Variants in DLG2 observed in about 807,000 individuals in gnomAD.
DLG2 encodes discs large MAGUK scaffold protein 2, also known as disks large homolog 2.
In DLG2, 45 loss-of-function variants were observed where a neutral mutation model predicts 132.5. The ratio of observed to expected loss-of-function variants is 0.34; its 90% confidence interval spans 0.27 to 0.44. DLG2 has a LOEUF of 0.44. Ranked by LOEUF, DLG2 falls within the 20% of genes least tolerant of loss-of-function variation. DLG2 has a pLI of 1.00. For synonymous variants in DLG2, 424 were observed against 419.6 expected (o/e 1.01, Z -0.13); for missense variants, 1,045 against 1,196.9 (o/e 0.87, Z 1.87).
At chr11:84,493,800 T>C (rs1464804008) in intron 7 of DLG2, among the ~76,000 whole-genome samples, 1 of 152,078 alleles carries the variant, frequency 6.6e-6, no homozygotes, top group Admixed American at 6.6e-5. Flanking sequence ...TGGCATATAA[T>C]AGGCACTCAA....
intron 5 of DLG2, among the ~76,000 whole-genome samples, chr11:85,139,222 G>A (rs538749253): frequency 9.2e-5 from 14 of 152,054 alleles, no homozygotes; most frequent in Non-Finnish European, 1.5e-4. Flanking sequence ...TTACCAGTGA[G>A]AGCAGGAACC....
intron 5 of DLG2, among the ~76,000 whole-genome samples, chr11:85,123,346 A>C (rs1407382836): frequency 2.1e-4 from 32 of 152,056 alleles, no homozygotes. Context: ...GAAAGATAGG[A>C]AAGGTAGGAA....
intron 21 of DLG2, among the ~76,000 whole-genome samples, chr11:83,507,694 A>G (rs1387983176): frequency 2.8e-5 from 4 of 143,832 alleles, no homozygotes; most frequent in African/African-American, 1.0e-4. Flanking sequence ...TGGTGGCACT[A>G]ATCTCCATAA....
chr11:85,473,411 C>T (rs752148538), intron 3 of DLG2, among the ~76,000 whole-genome samples: 47 of 152,138 alleles, frequency 3.1e-4, no homozygotes, highest in Non-Finnish European at 5.6e-4. Context: ...ATAAAAACAG[C>T]TTCAAACAGT....
intron 11 of DLG2, among the ~76,000 whole-genome samples, chr11:83,982,828 C>T (rs2092913988): frequency 6.6e-6 from 1 of 152,016 alleles, no homozygotes; most frequent in South Asian, 2.1e-4. Flanking sequence ...CGTTGTTTAT[C>T]TTTTATTTTT....
chr11:85,263,904 T>C (rs1307333292), intron 4 of DLG2, among the ~76,000 whole-genome samples: 1 of 152,136 alleles, frequency 6.6e-6, no homozygotes, highest in African/African-American at 2.4e-5. Context: ...AAAGCAAGTT[T>C]ATTAGAGAGA....
At chr11:85,366,340 CT>C (rs1828211731) in intron 3 of DLG2, among the ~76,000 whole-genome samples, 3 of 152,046 alleles carry the variant, frequency 2.0e-5, no homozygotes, top group South Asian at 2.1e-4. Context: ...TAGAATGTAG[CT>C]TTTTTTCTTC....
intron 8 of DLG2, among the ~76,000 whole-genome samples, chr11:84,206,173 G>T (rs1169240480): frequency 2.0e-5 from 3 of 151,928 alleles, no homozygotes; most frequent in African/African-American, 7.2e-5. Flanking sequence ...ATTCAAGAAG[G>T]AATAGAAAAC....
intron 7 of DLG2, among the ~76,000 whole-genome samples, chr11:84,516,811 C>T (rs1049197337): frequency 1.3e-5 from 2 of 150,382 alleles, no homozygotes; most frequent in African/African-American, 2.4e-5. Flanking sequence ...AACGTAGATG[C>T]AATAATCCTC....
At chr11:83,673,044 C>T (rs922690410) in intron 18 of DLG2, among the ~76,000 whole-genome samples, 3 of 151,982 alleles carry the variant, frequency 2.0e-5, no homozygotes, top group Admixed American at 6.6e-5. Context: ...CCAACCTGGA[C>T]GACATAGCAA....
intron 7 of DLG2, among the ~76,000 whole-genome samples, chr11:84,457,951 G>A (rs548089850): frequency 3.7e-4 from 56 of 150,584 alleles, no homozygotes; most frequent in Non-Finnish European, 7.3e-4. Flanking sequence ...GATTATTATA[G>A]AAAATCTGAA....
intron 21 of DLG2, among the ~76,000 whole-genome samples, chr11:83,500,316 C>G (rs921928518): frequency 2.0e-5 from 3 of 151,924 alleles, no homozygotes. Flanking sequence ...AACAAGGTGC[C>G]GTCATTCTGA....
intron 18 of DLG2, among the ~76,000 whole-genome samples, chr11:83,755,789 CGGTTACTACGCAATTAA>C (rs2093620281): frequency 6.6e-6 from 1 of 151,166 alleles, no homozygotes; most frequent in Admixed American, 6.6e-5. Flanking sequence ...GTGACTATGG[CGGTTACTACGCAATTAA>C]GGTTAAGAGA....
At chr11:83,706,760 T>C (rs993331989) in intron 18 of DLG2, among the ~76,000 whole-genome samples, 1 of 152,076 alleles carries the variant, frequency 6.6e-6, no homozygotes, top group Non-Finnish European at 1.5e-5. Flanking sequence ...CATGCCAGAG[T>C]GGCGAGTGGG....
intron 11 of DLG2, among the ~76,000 whole-genome samples, chr11:84,000,566 A>C (rs1281795233): frequency 1.3e-5 from 2 of 152,174 alleles, no homozygotes; most frequent in Non-Finnish European, 2.9e-5. Flanking sequence ...TCCATGGCAC[A>C]TTACAGTCAA....
At chr11:84,067,556 CCA>C (rs35165434) in intron 10 of DLG2, among the ~76,000 whole-genome samples, 110,974 of 148,724 alleles carry the variant, frequency 0.75, 42,593 homozygotes, top group Middle Eastern at 0.88. Context: ...ACACCCCCCA[CCA>C]CACACACACA....
intron 6 of DLG2, among the ~76,000 whole-genome samples, chr11:85,001,575 T>C (rs11234263): frequency 0.51 from 78,091 of 151,936 alleles, 20,455 homozygotes; most frequent in East Asian, 0.63. Flanking sequence ...TTAAGCCTGA[T>C]TGACAATTAG....
intron 23 of DLG2, 134 bp downstream of exon 23, chr11:83,472,587 CGTAAGA>C: frequency 1.5e-6 from 1 of 674,546 alleles, no homozygotes; most frequent in Admixed American, 3.0e-5. Context: ...TGAGAGACAG[CGTAAGA>C]GTAAGGTACG....
chr11:83,607,213 T>C (rs761542753), intron 19 of DLG2, among the ~76,000 whole-genome samples: 4 of 152,214 alleles, frequency 2.6e-5, no homozygotes, highest in African/African-American at 4.8e-5. Flanking sequence ...AACTCCATGA[T>C]TGGCACAAGT....
Sources: allele counts gnomAD v4.1 joint callset (sites outside exome capture counted in the v4.1 genomes callset), GRCh38; gene constraint gnomAD v4.1.1; transcripts MANE v1.5; gene names NCBI Gene and HGNC (gene_info 2026-07-23, HGNC 2026-07-21).